PDE1A: variants seen among roughly 807,000 people sequenced by gnomAD.
PDE1A encodes the protein dual specificity calcium/calmodulin-dependent 3',5'-cyclic nucleotide phosphodiesterase 1A.
Under a neutral mutation model 61.7 loss-of-function variants are expected in PDE1A, and 35 were observed. The observed-to-expected ratio is 0.57, with a 90% CI of 0.43 to 0.75. The LOEUF is 0.75. Ranked by LOEUF, PDE1A falls within the 30% of genes least tolerant of loss-of-function variation. The pLI, the probability that PDE1A is intolerant of heterozygous loss-of-function variation, is 0.00. For missense variants in PDE1A, 597 were observed against 630.6 expected (o/e 0.95, Z 0.57); for synonymous variants, 232 against 213.2 (o/e 1.09, Z -0.77).
At chr2:182,366,458 C>T (rs185591445) in intron 1 of PDE1A, among the ~76,000 whole-genome samples, 1 of 152,104 alleles carries the variant, frequency 6.6e-6, no homozygotes, top group Non-Finnish European at 1.5e-5. Flanking sequence ...CGTCACATAA[C>T]CTTAAACACC....
In PDE1A at chr2:182,250,651, G is replaced by A. The variant is rs542234735; in HGVS notation, c.168-10359C>T. ...ACCCAACTTTTTTTTTTAACTGTGAGAAGATGACCATTGTACATGAGTGAC... is the reference window on the plus strand; with the variant it reads ...ACCCAACTTTTTTTTTTAACTGTGAAAAGATGACCATTGTACATGAGTGAC... On this transcript the variant is annotated intron_variant, in intron 2 of 13. Coordinates refer to ENST00000351439, the Ensembl canonical transcript of PDE1A. 1.0e-3 allele frequency among the ~76,000 whole-genome samples: 154 copies of A among 152,000 alleles called. 1 individual carries two copies. The highest frequency in any genetic ancestry group is 3.5e-3 in the African/African-American group (144 of 41,458).
chr2:182,156,090 C>T (rs888158454), intron 13 of PDE1A, among the ~76,000 whole-genome samples: 1 of 152,142 alleles, frequency 6.6e-6, no homozygotes, highest in Non-Finnish European at 1.5e-5. Context: ...ATTGTGAGGC[C>T]TCACCAGCCA....
At chr2:182,320,350 G>C (rs973805975) in intron 1 of PDE1A, among the ~76,000 whole-genome samples, 29 of 152,188 alleles carry the variant, frequency 1.9e-4, no homozygotes, top group African/African-American at 6.3e-4. Context: ...TAAGGTGCTG[G>C]GGTATGAGGG....
At chr2:182,434,001 C>T (rs1340321014) in intron 2 of PDE1A, among the ~76,000 whole-genome samples, 1 of 152,050 alleles carries the variant, frequency 6.6e-6, no homozygotes, top group African/African-American at 2.4e-5. Flanking sequence ...TGCAGTTTTT[C>T]CTCCCTCAGC....
At chr2:182,150,441 C>G (rs1362569243) in intron 13 of PDE1A, among the ~76,000 whole-genome samples, 2 of 152,114 alleles carry the variant, frequency 1.3e-5, no homozygotes, top group Admixed American at 1.3e-4. Flanking sequence ...TGAATTTCAT[C>G]TTACTGAAAG....
At chr2:182,364,837 G>C (rs973159061) in intron 1 of PDE1A, among the ~76,000 whole-genome samples, 1 of 151,894 alleles carries the variant, frequency 6.6e-6, no homozygotes, top group African/African-American at 2.4e-5. Flanking sequence ...TGACATTTTT[G>C]TATGTCTAAA....
At chr2:182,228,998 G>C (rs956955148) in intron 6 of PDE1A, among the ~76,000 whole-genome samples, 1 of 152,136 alleles carries the variant, frequency 6.6e-6, no homozygotes, top group African/African-American at 2.4e-5. Flanking sequence ...GTCTTACAGA[G>C]AAGTTGGAAC....
chr2:182,283,967 G>A (rs570494598), intron 1 of PDE1A, among the ~76,000 whole-genome samples: 2 of 152,074 alleles, frequency 1.3e-5, no homozygotes, highest in South Asian at 2.1e-4. Flanking sequence ...CTAGGAGGTG[G>A]TTTTTTAATA....
the PDE1A span, among the ~76,000 whole-genome samples, chr2:182,701,269 T>C: frequency 1.3e-5 from 2 of 152,006 alleles, no homozygotes; most frequent in Non-Finnish European, 2.9e-5. Flanking sequence ...TCTCCTGACC[T>C]CGTGATCCGC....
At chr2:182,173,501 T>A (rs1382361989) in intron 13 of PDE1A, among the ~76,000 whole-genome samples, 1 of 151,900 alleles carries the variant, frequency 6.6e-6, no homozygotes, top group African/African-American at 2.4e-5. Context: ...GAACATGATC[T>A]GAAGACAAAG....
At chr2:182,365,642 C>T (rs1179670734) in intron 1 of PDE1A, among the ~76,000 whole-genome samples, 1 of 151,966 alleles carries the variant, frequency 6.6e-6, no homozygotes, top group Non-Finnish European at 1.5e-5. Flanking sequence ...TTACTCCTCT[C>T]TCTCTCTTAC....
chr2:182,463,342 T>C (rs1250509231), intron 2 of PDE1A, among the ~76,000 whole-genome samples: 2 of 152,004 alleles, frequency 1.3e-5, no homozygotes, highest in Non-Finnish European at 2.9e-5. Context: ...AAAACAAATA[T>C]GTATTGCAAA....
At chr2:182,461,132 T>C (rs561153391) in intron 2 of PDE1A, among the ~76,000 whole-genome samples, 1 of 152,280 alleles carries the variant, frequency 6.6e-6, no homozygotes, top group East Asian at 1.9e-4. Flanking sequence ...TCATGAAGTG[T>C]TTGTGAGCCT....
chr2:182,662,341 G>GAAAAAAAAAAAAAA, the PDE1A span, among the ~76,000 whole-genome samples: 3 of 137,958 alleles, frequency 2.2e-5, no homozygotes, highest in African/African-American at 2.8e-5. Context: ...AAAAAAAAAA[G>GAAAAAAAAAAAAAA]AAAAAAAAAA....
the PDE1A span, among the ~76,000 whole-genome samples, chr2:182,586,321 G>C: frequency 6.6e-6 from 1 of 152,174 alleles, no homozygotes; most frequent in Non-Finnish European, 1.5e-5. Flanking sequence ...ATCCCAGCCT[G>C]AACCTTGTGC....
chr2:182,534,677 T>C, the PDE1A span, among the ~76,000 whole-genome samples: 5 of 151,698 alleles, frequency 3.3e-5, no homozygotes, highest in Admixed American at 1.3e-4. Flanking sequence ...TTATTTTATA[T>C]TAATTACTTA....
At chr2:182,500,960 ATG>A (rs1406759876) in intron 2 of PDE1A, among the ~76,000 whole-genome samples, 2 of 152,238 alleles carry the variant, frequency 1.3e-5, no homozygotes, top group Admixed American at 1.3e-4. Context: ...TCATTGTTTT[ATG>A]TGTGTATGTG....
At chr2:182,460,062 A>G (rs1686178192) in intron 2 of PDE1A, among the ~76,000 whole-genome samples, 1 of 152,158 alleles carries the variant, frequency 6.6e-6, no homozygotes. Flanking sequence ...GTCCATGGCC[A>G]CAATTGATAC....
intron 1 of PDE1A, among the ~76,000 whole-genome samples, chr2:182,318,825 T>A (rs1180867708): frequency 6.6e-6 from 1 of 152,174 alleles, no homozygotes; most frequent in Non-Finnish European, 1.5e-5. Flanking sequence ...TGATATGAGC[T>A]CTTCTTTATT....
Sources: gnomAD v4.1 joint callset for allele counts (sites outside exome capture counted in the v4.1 genomes callset) on GRCh38, gnomAD v4.1.1 for gene constraint, MANE v1.5 for transcripts, NCBI Gene and HGNC (gene_info 2026-07-23, HGNC 2026-07-21) for gene names.